DISP1: variants seen among roughly 807,000 people sequenced by gnomAD.
The protein encoded by DISP1 is dispatched RND transporter family member 1.
In DISP1, 30 loss-of-function variants were observed where a neutral mutation model predicts 37.3. That is an observed-to-expected ratio of 0.80 (90% confidence interval 0.60 to 1.09). The LOEUF (loss-of-function observed/expected upper bound fraction) is 1.09, where lower values mean the gene tolerates loss of function less well. DISP1 is among the 50% of genes least tolerant of loss of function. DISP1 has a pLI of 0.00. For synonymous variants in DISP1, 634 were observed against 690.2 expected (o/e 0.92, Z 1.28); for missense variants, 1,598 against 1,879.5 (o/e 0.85, Z 2.77).
At chr1:222,977,455 A>G (rs1207251459) in intron 3 of DISP1, among the ~76,000 whole-genome samples, 1 of 148,302 alleles carries the variant, frequency 6.7e-6, no homozygotes, top group East Asian at 2.0e-4. Context: ...TCTAACTCCC[A>G]TAACTTTACA....
Position 223,002,573 on chromosome 1 carries a change from C to T in DISP1, c.1176C>T (p.Gly392=), listed in dbSNP as rs949010743. ...CTTGTGCCAAACACTACCAAAATGG[C>T]ACTCTGGGGCCAGACTGCTGGGACA... ...LRTCAKHYQN[G]TLGPDCWDMA... Residue 392 remains glycine (G), a synonymous_variant, in exon 9 of 9, where the codon GGC becomes GGT. Coordinates refer to ENST00000675850, the MANE Select transcript of DISP1 (RefSeq NM_001377229.1). 1.1e-5 allele frequency: 18 copies of T among 1,614,198 alleles called. No homozygotes were observed. Among genetic ancestry groups the T allele is most frequent in the Middle Eastern group, 1.6e-4 (1 of 6,062 alleles).
chr1:222,890,247 T>A (rs1670867330), intron 1 of DISP1, among the ~76,000 whole-genome samples: 1 of 152,196 alleles, frequency 6.6e-6, no homozygotes, highest in Non-Finnish European at 1.5e-5. Context: ...AGATAATTGT[T>A]GAACACCAAC....
chr1:223,005,843 T>C lies in DISP1; in HGVS notation c.4446T>C (p.Ser1482=), dbSNP rs1443030149. 1.9e-6 allele frequency: 3 copies of C among 1,614,164 alleles called. No homozygotes were observed. Residue 1482 remains serine (S), a synonymous_variant, in exon 9 of 9, where the codon AGT becomes AGC. Coordinates refer to ENST00000675850, the MANE Select transcript of DISP1 (RefSeq NM_001377229.1). ...GGTCTTGCCCAAATAATTCACAAAGTTGTGGCAGAATTGTGAGAGTGAAGT... is the reference window on the plus strand; with the variant it reads ...GGTCTTGCCCAAATAATTCACAAAGCTGTGGCAGAATTGTGAGAGTGAAGT... The part of the protein sequence containing the change: ...GCRSCPNNSQ[S]CGRIVRVKCN...
intron 7 of DISP1, 68 bp downstream of exon 7, chr1:222,992,178 A>G (rs926707052): frequency 1.5e-5 from 18 of 1,224,576 alleles, no homozygotes; most frequent in Non-Finnish European, 2.0e-5. Context: ...ACATGATCAC[A>G]GTCTAGACTG....
chr1:222,856,215 T>A (rs1398834322), intron 1 of DISP1, among the ~76,000 whole-genome samples: 1 of 152,240 alleles, frequency 6.6e-6, no homozygotes, highest in Non-Finnish European at 1.5e-5. Context: ...TGGATCAGTG[T>A]TTAATTTTCA....
In DISP1 at chr1:222,950,633, G is replaced by A. The variant is rs114165916; in HGVS notation, c.509+7301G>A. Among the ~76,000 whole-genome samples the A allele has an allele frequency of 3.6e-3, 541 of 152,046 alleles. 2 individuals carry two copies. The highest frequency in any genetic ancestry group is 0.013 in the African/African-American group (534 of 41,504). On this transcript the variant is annotated intron_variant, in intron 3 of 8. Transcript: ENST00000675850. ...AAAACCCATGTGAGAAAGGTAAAGAGAACAAGATTGTGGGAGCGGAGGGTC... is the reference window on the plus strand; with the variant it reads ...AAAACCCATGTGAGAAAGGTAAAGAAAACAAGATTGTGGGAGCGGAGGGTC...
intron 3 of DISP1, among the ~76,000 whole-genome samples, chr1:222,980,951 G>T (rs1028211139): frequency 6.6e-6 from 1 of 152,140 alleles, no homozygotes; most frequent in Non-Finnish European, 1.5e-5. Context: ...GGTGGCATGC[G>T]CCTGTAGTCC....
chr1:222,923,211 G>GAGTAAAGAGT (rs1418379685), intron 1 of DISP1, among the ~76,000 whole-genome samples: 1 of 152,152 alleles, frequency 6.6e-6, no homozygotes, highest in African/African-American at 2.4e-5. Context: ...GGCAGAGTGA[G>GAGTAAAGAGT]ACAGAGTAAA....
intron 3 of DISP1, among the ~76,000 whole-genome samples, chr1:222,946,805 A>C (rs1674814799): frequency 6.6e-6 from 1 of 152,192 alleles, no homozygotes; most frequent in African/African-American, 2.4e-5. Flanking sequence ...TTGTGCAAAT[A>C]CTTTTACAAG....
intron 1 of DISP1, among the ~76,000 whole-genome samples, chr1:222,901,360 A>C (rs1671569919): frequency 6.6e-6 from 1 of 152,228 alleles, no homozygotes. Context: ...AATGAAAATG[A>C]ATATTGAAAA....
chr1:222,980,323 T>C, intron 3 of DISP1, among the ~76,000 whole-genome samples: 1 of 152,096 alleles, frequency 6.6e-6, no homozygotes, highest in East Asian at 1.9e-4. Flanking sequence ...TACTGTAGGA[T>C]ACAGAGGCAC....
intron 3 of DISP1, among the ~76,000 whole-genome samples, chr1:222,978,815 A>C (rs1168707390): frequency 2.0e-5 from 3 of 152,308 alleles, no homozygotes; most frequent in African/African-American, 7.2e-5. Flanking sequence ...AGGTTTGTCA[A>C]AGATCAGATA....
chr1:222,954,066 T>G (rs1675424098), intron 3 of DISP1, among the ~76,000 whole-genome samples: 1 of 151,878 alleles, frequency 6.6e-6, no homozygotes, highest in Non-Finnish European at 1.5e-5. Context: ...AAGAAATGCT[T>G]TAGGTTTTTT....
chr1:222,884,114 TG>T (rs1460105339), intron 1 of DISP1, among the ~76,000 whole-genome samples: 1 of 152,156 alleles, frequency 6.6e-6, no homozygotes, highest in Non-Finnish European at 1.5e-5. Context: ...GCCAGATAAC[TG>T]AATTTGAATC....
At chr1:222,919,612 G>A (rs985298186) in intron 1 of DISP1, among the ~76,000 whole-genome samples, 3 of 152,290 alleles carry the variant, frequency 2.0e-5, no homozygotes, top group South Asian at 2.1e-4. Flanking sequence ...TGTGGTAACC[G>A]TAGTAACTGT....
chr1:222,858,582 C>T (rs990662733), intron 1 of DISP1, among the ~76,000 whole-genome samples: 8 of 152,110 alleles, frequency 5.3e-5, no homozygotes, highest in African/African-American at 1.9e-4. Flanking sequence ...CTCTATCCAT[C>T]TGATAAAGGT....
At chr1:222,834,535 A>G (rs1666542638) in intron 1 of DISP1, among the ~76,000 whole-genome samples, 1 of 152,182 alleles carries the variant, frequency 6.6e-6, no homozygotes, top group African/African-American at 2.4e-5. Flanking sequence ...GGCGTACACG[A>G]GGTCTTACTA....
rs752961647 is a variant in DISP1 at position 223,002,922 on chromosome 1, A to G, written c.1525A>G (p.Ile509Val). 60 of 1,613,882 alleles carry G rather than the reference A, an allele frequency of 3.7e-5. No homozygotes were observed. Among genetic ancestry groups the G allele is most frequent in the Non-Finnish European group, 4.6e-5 (54 of 1,180,048 alleles). The change falls in exon 9 of 9, where the codon ATA (isoleucine) becomes GTA (valine). Residue 509 changes from isoleucine (I) to valine (V), a missense_variant. Physicochemically the swap from Ile to Val is conservative, Grantham distance 29. Coordinates refer to ENST00000675850, the MANE Select transcript of DISP1 (RefSeq NM_001377229.1). The part of the protein sequence containing the change: ...YLLMDTVYPA[I>V]AIVIVLLVMC... ...TCTAATGGATACTGTGTATCCTGCCATAGCCATTGTGATTGTCCTTTTAGT... is the reference window on the plus strand; with the variant it reads ...TCTAATGGATACTGTGTATCCTGCCGTAGCCATTGTGATTGTCCTTTTAGT...
chr1:222,834,193 C>T (rs1457726548), intron 1 of DISP1, among the ~76,000 whole-genome samples: 3 of 152,042 alleles, frequency 2.0e-5, no homozygotes, highest in Non-Finnish European at 4.4e-5. Context: ...TGCTTACCCC[C>T]TTTCCTTAGA....
Sources: allele counts gnomAD v4.1 joint callset (sites outside exome capture counted in the v4.1 genomes callset), GRCh38; gene constraint gnomAD v4.1.1; transcripts MANE v1.5; gene names NCBI Gene and HGNC (gene_info 2026-07-23, HGNC 2026-07-21).